SLK: variants seen among roughly 807,000 people sequenced by gnomAD.
SLK encodes the protein STE20-like serine/threonine-protein kinase.
A neutral mutation model predicts 147.7 loss-of-function variants in SLK; 67 were observed. The ratio of observed to expected loss-of-function variants is 0.45; its 90% CI spans 0.37 to 0.56. SLK has a LOEUF of 0.56. Ranked by LOEUF, SLK falls within the 20% of genes least tolerant of loss-of-function variation. The pLI is 0.00. For synonymous variants in SLK, 441 were observed against 475.0 expected, an observed-to-expected ratio of 0.93 and a Z score of 0.93; for missense variants, 1,136 against 1,438.8, an observed-to-expected ratio of 0.79 and a Z score of 3.41.
At chr10:104,015,288 C>G (rs1844447980) in intron 13 of SLK, among the ~76,000 whole-genome samples, 1 of 152,196 alleles carries the variant, frequency 6.6e-6, no homozygotes, top group Non-Finnish European at 1.5e-5. Context: ...TCACTTTTAC[C>G]TGTTGATCCC....
chr10:104,020,473 T>G lies in SLK; in HGVS notation c.3322-15T>G. On this transcript the variant is annotated splice_polypyrimidine_tract_variant and intron_variant, in intron 16 of 18. Coordinates refer to ENST00000369755, the MANE Select transcript of SLK (RefSeq NM_014720.4). ...TGCTTCTGAACTATAGTTTATCTTT[T>G]TTTCTTATTTATAGTTTGCTGCACA... 6.2e-7 allele frequency: 1 copy of G among 1,604,784 alleles called. No individual in the cohort carries two copies. The highest frequency in any genetic ancestry group is 2.2e-5 in the East Asian group (1 of 44,824).
chr10:104,019,950 T>G, intron 16 of SLK, 28 bp downstream of exon 16: 1 of 1,559,132 alleles, frequency 6.4e-7, no homozygotes, highest in East Asian at 2.3e-5. Flanking sequence ...TCTCTTCTCT[T>G]TTAGGTTTAA....
intron 13 of SLK, among the ~76,000 whole-genome samples, chr10:104,017,672 G>A (rs1418434498): frequency 6.6e-6 from 1 of 152,102 alleles, no homozygotes; most frequent in African/African-American, 2.4e-5. Context: ...TAGAGATGGG[G>A]TTTCACCATG....
At chr10:104,018,763 T>G in intron 14 of SLK, 21 bp from the exon 15 acceptor site, 1 of 1,590,330 alleles carries the variant, frequency 6.3e-7, no homozygotes, top group Non-Finnish European at 8.5e-7. Context: ...AAGTGACATT[T>G]TGAAAACTGC....
Position 104,025,900 on chromosome 10 carries a change from C to G in SLK, c.*180C>G. 1.9e-6 allele frequency: 1 copy of G among 523,246 alleles called. No individual in the cohort carries two copies. The highest frequency in any genetic ancestry group is 3.6e-5 in the South Asian group (1 of 27,950). 32.4% of individuals were successfully genotyped at this position (523,246 alleles called of 1,614,324 possible). On this transcript the variant is annotated 3_prime_UTR_variant, in exon 19 of 19. Coordinates refer to ENST00000369755, the MANE Select transcript of SLK (RefSeq NM_014720.4). ...TAAGCAAAGATGAAGGGAAAACGAA[C>G]TAAGACAGACGCTAGGCCATGTTGG...
At chr10:103,983,893 G>T (rs1055480853) in intron 1 of SLK, among the ~76,000 whole-genome samples, 3 of 152,142 alleles carry the variant, frequency 2.0e-5, no homozygotes, top group African/African-American at 7.2e-5. Context: ...TCAGAGGTCC[G>T]TCTGAGTTTC....
chr10:103,990,821 T>C lies in SLK; in HGVS notation c.297T>C (p.Tyr99=). 2.0e-6 allele frequency: 3 copies of C among 1,516,246 alleles called. No individual in the cohort carries two copies. Among genetic ancestry groups the C allele is most frequent in the Non-Finnish European group, 1.8e-6 (2 of 1,139,356 alleles). The allele number at this position is 1,516,246 out of a possible 1,614,324, so 93.9% of individuals were successfully genotyped here. ...TAGTCAAGCTTCTAGATGCCTTCTA[T>C]TATGAGAACAATCTTTGGGTAAGTA... ...PNIVKLLDAF[Y]YENNLWILIE... The change falls in exon 2 of 19, where the codon TAT becomes TAC. Residue 99 remains tyrosine, a synonymous_variant. Transcript: ENST00000369755.
At chr10:104,017,777 A>C (rs918514527) in intron 13 of SLK, among the ~76,000 whole-genome samples, 11 of 152,040 alleles carry the variant, frequency 7.2e-5, no homozygotes, top group African/African-American at 2.4e-4. Context: ...ACCACACCCG[A>C]CACTTAAAGG....
intron 3 of SLK, 81 bp downstream of exon 3, chr10:103,992,727 A>T (rs543790926): frequency 7.6e-7 from 1 of 1,312,106 alleles, no homozygotes; most frequent in Admixed American, 2.5e-5. Context: ...ATATAAATAT[A>T]TTCAAATATG....
intron 18 of SLK, among the ~76,000 whole-genome samples, chr10:104,025,164 A>T (rs1844581790): frequency 6.6e-6 from 1 of 152,238 alleles, no homozygotes; most frequent in African/African-American, 2.4e-5. Flanking sequence ...GGCGCATCGT[A>T]ACTAAAATAA....
intron 7 of SLK, 66 bp downstream of exon 7, chr10:104,000,014 C>A: frequency 1.4e-6 from 1 of 717,352 alleles, no homozygotes; most frequent in Non-Finnish European, 2.3e-6. Flanking sequence ...ATTTCATATT[C>A]AGTGTGCTTT....
chr10:103,992,307 C>T (rs17116215), intron 2 of SLK, among the ~76,000 whole-genome samples: 3,076 of 151,848 alleles, frequency 0.02, 68 homozygotes, highest in South Asian at 0.11. Context: ...AATAGCTGTG[C>T]AGTACAATAC....
chr10:104,023,258 T>G (rs1474015053), intron 18 of SLK, among the ~76,000 whole-genome samples: 2 of 152,222 alleles, frequency 1.3e-5, no homozygotes, highest in Non-Finnish European at 2.9e-5. Flanking sequence ...GTTTTGCCCC[T>G]GTAGTAAAGA....
chr10:104,001,287 T>C (rs1214170414), intron 7 of SLK, among the ~76,000 whole-genome samples, 157 bp from the exon 8 acceptor site: 1 of 152,114 alleles, frequency 6.6e-6, no homozygotes, highest in African/African-American at 2.4e-5. Context: ...CCCTCTCCCC[T>C]CTTTCTTTCT....
At chr10:104,023,266 A>G (rs1307910189) in intron 18 of SLK, among the ~76,000 whole-genome samples, 2 of 152,196 alleles carry the variant, frequency 1.3e-5, no homozygotes, top group African/African-American at 4.8e-5. Flanking sequence ...CCTGTAGTAA[A>G]GAACAGTCTT....
Position 104,026,013 on chromosome 10 carries a change from A to G in SLK, c.*293A>G. 1 of 252,348 alleles carries G rather than the reference A, an allele frequency of 4.0e-6. No individual in the cohort carries two copies. The highest frequency in any genetic ancestry group is 7.1e-5 in the East Asian group (1 of 14,054). 15.6% of individuals were successfully genotyped at this position (252,348 alleles called of 1,614,324 possible). On this transcript the variant is annotated 3_prime_UTR_variant, in exon 19 of 19. Coordinates refer to ENST00000369755, the MANE Select transcript of SLK (RefSeq NM_014720.4). ...GACACTGCTACCTGAAAACTGTTGG[A>G]GAAATAATGTTTAAAGTTATTTAAG...
chr10:103,994,772 G>C (rs905714425), intron 4 of SLK, among the ~76,000 whole-genome samples: 1 of 152,188 alleles, frequency 6.6e-6, no homozygotes, highest in Non-Finnish European at 1.5e-5. Flanking sequence ...GGGCTGTTTG[G>C]CCTGTTGTGT....
Position 103,998,056 on chromosome 10 carries a change from A to G in SLK, c.515-843A>G, listed in dbSNP as rs138082855. On this transcript the variant is annotated intron_variant, in intron 4 of 18. Coordinates refer to ENST00000369755, the MANE Select transcript of SLK (RefSeq NM_014720.4). ...TTCTGCAACACAGATATATAGAACA[A>G]TCTTATCCCCAAGAACCATATAATA... 1.8e-3 allele frequency among the ~76,000 whole-genome samples: 277 copies of G among 152,282 alleles called. 1 individual carries two copies. Among genetic ancestry groups the G allele is most frequent in the South Asian group, 7.2e-3 (35 of 4,830 alleles).
At position 104,027,631 on chromosome 10, in the gene SLK, G is replaced by A. The variant is rs989387597; in HGVS notation, c.*1911G>A. 2.6e-5 allele frequency: 4 copies of A among 152,474 alleles called. No homozygotes were observed. Among genetic ancestry groups the A allele is most frequent in the Non-Finnish European group, 4.4e-5 (3 of 68,000 alleles). 9.4% of individuals were successfully genotyped at this position (152,474 alleles called of 1,614,324 possible). A position where few individuals can be genotyped will look rare whatever the true frequency, so the allele number is the denominator to read the frequency against. The stretch of plus-strand genomic sequence containing the variant: ...ATTTGAAGAGGGATTGGGAAGGAAC[G>A]TCTTCATACCACTTTCTCCTTTGAA... On this transcript the variant is annotated 3_prime_UTR_variant, in exon 19 of 19. Transcript: ENST00000369755.
Sources: allele counts gnomAD v4.1 joint callset (sites outside exome capture counted in the v4.1 genomes callset), GRCh38; gene constraint gnomAD v4.1.1; transcripts MANE v1.5; gene names NCBI Gene and HGNC (gene_info 2026-07-23, HGNC 2026-07-21).